Variants in OR6N2 observed in about 807,000 individuals in gnomAD.
OR6N2 encodes the protein olfactory receptor family 6 subfamily N member 2.
For synonymous variants in OR6N2, 160 were observed against 138.3 expected, an observed-to-expected ratio of 1.16 and a Z score of -1.10; for missense variants, 399 against 379.7, an observed-to-expected ratio of 1.05 and a Z score of -0.42.
In OR6N2 at chr1:158,774,657, T is replaced by A. The variant is rs1292207976; in HGVS notation, c.*2025A>T. 1 of 152,132 alleles carries A rather than the reference T, an allele frequency of 6.6e-6. No homozygotes were observed. The highest frequency in any genetic ancestry group is 1.5e-5 in the Non-Finnish European group (1 of 68,028). The allele number at this position is 152,132 out of a possible 1,614,324, so 9.4% of individuals were successfully genotyped here. A position where few individuals can be genotyped will look rare whatever the true frequency, so the allele number is the denominator to read the frequency against. On this transcript the variant is annotated 3_prime_UTR_variant, in exon 2 of 2. Transcript: ENST00000641131. ...TATGTTTACGCATAACCATATCATG[T>A]TAAAAATGAATATTATCTAGGGATA...
Position 158,776,137 on chromosome 1 carries a change from G to C in OR6N2, c.*545C>G, listed in dbSNP as rs1367395976. 1 of 152,244 alleles carries C rather than the reference G, an allele frequency of 6.6e-6. No homozygotes were observed. Among genetic ancestry groups the C allele is most frequent in the Admixed American group, 6.5e-5 (1 of 15,284 alleles). The allele number at this position is 152,244 out of a possible 1,614,324, so 9.4% of individuals were successfully genotyped here. A position where few individuals can be genotyped will look rare whatever the true frequency, so the allele number is the denominator to read the frequency against. On this transcript the variant is annotated 3_prime_UTR_variant, in exon 2 of 2. Coordinates refer to ENST00000641131, the MANE Select transcript of OR6N2 (RefSeq NM_001005278.2). ...GATAAGAAAATTGGGAGGTAATGAT[G>C]TCATGAGAGTTAGGGAGAGTTAAGG...
Position 158,777,241 on chromosome 1 carries a change from T to C in OR6N2, c.395A>G (p.Tyr132Cys). 1.2e-6 allele frequency: 2 copies of C among 1,613,772 alleles called. No individual in the cohort carries two copies. Among genetic ancestry groups the C allele is most frequent in the East Asian group, 2.2e-5 (1 of 44,824 alleles). ...RYLAICRPLH[Y>C]PIIMTTTLCA... ...GAGTGTGGTGGTCATAATTATAGGGTAGTGGAGGGGCCGACAAATGGCCAG... is the reference window on the plus strand; with the variant it reads ...GAGTGTGGTGGTCATAATTATAGGGCAGTGGAGGGGCCGACAAATGGCCAG... Residue 132 changes from tyrosine to cysteine, a missense_variant, in exon 2 of 2, where the codon TAC becomes TGC. Physicochemically the swap from Tyr to Cys is radical, Grantham distance 194. Coordinates refer to ENST00000641131, the MANE Select transcript of OR6N2 (RefSeq NM_001005278.2).
intron 1 of OR6N2, among the ~76,000 whole-genome samples, chr1:158,778,298 T>C (rs552533299): frequency 1.3e-5 from 2 of 152,214 alleles, no homozygotes; most frequent in African/African-American, 4.8e-5. Context: ...ACAGAACACT[T>C]CAGTGTGCCT....
chr1:158,780,014 T>TAC (rs1657709948), intron 1 of OR6N2, among the ~76,000 whole-genome samples: 1 of 151,964 alleles, frequency 6.6e-6, no homozygotes, highest in Non-Finnish European at 1.5e-5. Flanking sequence ...ATGTTTTATT[T>TAC]TAGCCTAAAT....
chr1:158,780,411 A>G (rs1225109683), intron 1 of OR6N2, among the ~76,000 whole-genome samples: 4 of 152,198 alleles, frequency 2.6e-5, no homozygotes, highest in Admixed American at 6.5e-5. Context: ...AATCTGTGTA[A>G]GGCCTTCTCT....
chr1:158,777,212 C>T lies in OR6N2; in HGVS notation c.424G>A (p.Ala142Thr). Reference sequence around the variant, plus strand: ...GTCCAACAAGCAGCAGCCATCTTGGCACAGAGTGTGGTGGTCATAATTATA... The same window carrying T: ...GTCCAACAAGCAGCAGCCATCTTGGTACAGAGTGTGGTGGTCATAATTATA... ...YPIIMTTTLCAKMAAACWTCG... is the reference protein window; with the variant it reads ...YPIIMTTTLCTKMAAACWTCG... The change falls in exon 2 of 2, where the codon GCC becomes ACC. Residue 142 changes from alanine (A) to threonine (T), a missense_variant. Coordinates refer to ENST00000641131, the MANE Select transcript of OR6N2 (RefSeq NM_001005278.2). 1 of 1,614,062 alleles carries T rather than the reference C, an allele frequency of 6.2e-7. No homozygotes were observed. The highest frequency in any genetic ancestry group is 1.7e-5 in the Admixed American group (1 of 60,012).
Position 158,776,727 on chromosome 1 carries a change from C to T in OR6N2, c.909G>A (p.Arg303=), listed in dbSNP as rs781238622. 6.2e-7 allele frequency: 1 copy of T among 1,612,928 alleles called. No individual in the cohort carries two copies. Among genetic ancestry groups the T allele is most frequent in the Non-Finnish European group, 8.5e-7 (1 of 1,179,404 alleles). ...CTTTATCTCCCTTCTGGAAGATGGT[C>T]CTCTTGATAGCTTTAATGATTTCCT... is the stretch of plus-strand genomic sequence containing the variant. ...RNKEIIKAIK[R]TIFQKGDKAS... The change falls in exon 2 of 2, where the codon AGG becomes AGA. Residue 303 remains arginine (R), a synonymous_variant. Coordinates refer to ENST00000641131, the MANE Select transcript of OR6N2 (RefSeq NM_001005278.2).
At position 158,776,539 on chromosome 1, in the gene OR6N2, T is replaced by G; in HGVS notation, c.*143A>C. On this transcript the variant is annotated 3_prime_UTR_variant, in exon 2 of 2. Coordinates refer to ENST00000641131, the MANE Select transcript of OR6N2 (RefSeq NM_001005278.2). ...CGAGTAAAAAATAGAAATAAAGATGTAGAAAATGAGAAAATCATAAAGAAA... is the reference window on the plus strand; with the variant it reads ...CGAGTAAAAAATAGAAATAAAGATGGAGAAAATGAGAAAATCATAAAGAAA... 3.9e-6 allele frequency: 2 copies of G among 513,352 alleles called. No homozygotes were observed. Among genetic ancestry groups the G allele is most frequent in the Middle Eastern group, 5.0e-4 (1 of 2,018 alleles). The allele number at this position is 513,352 out of a possible 1,614,324, so 31.8% of individuals were successfully genotyped here.
chr1:158,779,123 G>A (rs1657685645), intron 1 of OR6N2, among the ~76,000 whole-genome samples: 1 of 151,716 alleles, frequency 6.6e-6, no homozygotes, highest in African/African-American at 2.4e-5. Flanking sequence ...CAGGTGAAGA[G>A]TATATAGCTG....
At chr1:158,778,263 G>A (rs1657660598) in intron 1 of OR6N2, among the ~76,000 whole-genome samples, 2 of 152,186 alleles carry the variant, frequency 1.3e-5, no homozygotes. Flanking sequence ...TAGAGAAGCA[G>A]ACATCTCAAT....
At chr1:158,780,417 T>C (rs1657724467) in intron 1 of OR6N2, among the ~76,000 whole-genome samples, 1 of 152,190 alleles carries the variant, frequency 6.6e-6, no homozygotes, top group African/African-American at 2.4e-5. Context: ...TGTAAGGCCT[T>C]CTCTGGGATA....
rs1657613127 is a variant in OR6N2, at chr1:158,776,916, G to A, written c.720C>T (p.Thr240=). 1 of 1,614,038 alleles carries A rather than the reference G, an allele frequency of 6.2e-7. No homozygotes were observed. The highest frequency in any genetic ancestry group is 2.2e-5 in the East Asian group (1 of 44,880). Reference sequence around the variant, plus strand: ...GGACCACAGCAAGATGTGAGGCACAGGTAGAAAAGGCCTTCTTTCTTCCTG... The same window carrying A: ...GGACCACAGCAAGATGTGAGGCACAAGTAGAAAAGGCCTTCTTTCTTCCTG... ...TASGRKKAFS[T]CASHLAVVLI... The change falls in exon 2 of 2, where the codon ACC becomes ACT. Residue 240 remains threonine (T), a synonymous_variant. Transcript: ENST00000641131.
chr1:158,775,533 G>GT lies in OR6N2; in HGVS notation c.*1148dup, dbSNP rs1657570639. 1 of 152,140 alleles carries GT rather than the reference G, an allele frequency of 6.6e-6. No individual in the cohort carries two copies. The highest frequency in any genetic ancestry group is 1.5e-5 in the Non-Finnish European group (1 of 68,014). The allele number at this position is 152,140 out of a possible 1,614,324, so 9.4% of individuals were successfully genotyped here. ...TTAAGGGCAATTGAGAATTTCTCAT[G>GT]TTTTTATAAAATGGTATATACAATT... is the stretch of plus-strand genomic sequence containing the variant. On this transcript the variant is annotated 3_prime_UTR_variant, in exon 2 of 2. Transcript: ENST00000641131.
chr1:158,777,932 G>A (rs1180986868), intron 1 of OR6N2, among the ~76,000 whole-genome samples: 1 of 152,202 alleles, frequency 6.6e-6, no homozygotes, highest in Admixed American at 6.5e-5. Flanking sequence ...CTTGGGAATA[G>A]AGAGAAGGAA....
chr1:158,777,580 C>A lies in OR6N2; in HGVS notation c.56G>T (p.Ser19Ile). Residue 19 changes from serine (S) to isoleucine (I), a missense_variant, in exon 2 of 2, where the codon AGT (serine) becomes ATT (isoleucine). Coordinates refer to ENST00000641131, the MANE Select transcript of OR6N2 (RefSeq NM_001005278.2). ...LAEFVFLGFA[S>I]VGYVRGWLFV... ...AAGCCAGCCCCTGACATAGCCCACA[C>A]TGGCAAAGCCAAGGAACACAAATTC... is the stretch of plus-strand genomic sequence containing the variant. 1 of 1,614,042 alleles carries A rather than the reference C, an allele frequency of 6.2e-7. No individual in the cohort carries two copies. Among genetic ancestry groups the A allele is most frequent in the Non-Finnish European group, 8.5e-7 (1 of 1,180,004 alleles).
intron 1 of OR6N2, 61 bp from the exon 2 acceptor site, chr1:158,777,702 A>G (rs857835): frequency 0.14 from 136,977 of 992,394 alleles, 10,077 homozygotes; most frequent in South Asian, 0.22. Flanking sequence ...TCCATGCCAA[A>G]ACTTCATTTC....
intron 1 of OR6N2, 33 bp from the exon 2 acceptor site, chr1:158,777,674 AT>A (rs774762823): frequency 1.9e-5 from 26 of 1,358,326 alleles, no homozygotes; most frequent in African/African-American, 5.8e-5. Context: ...AAAACATTGG[AT>A]TGAGATGACT....
chr1:158,777,642 C>A lies in OR6N2; in HGVS notation c.-6-1G>T, dbSNP rs41264044. The A allele has an allele frequency of 5.3e-3, 8,443 of 1,581,004 alleles. 26 individuals are homozygous for A. Among genetic ancestry groups the A allele is most frequent in the Non-Finnish European group, 6.4e-3 (7,404 of 1,155,506 alleles). On this transcript the variant is annotated splice_acceptor_variant, in intron 1 of 1. Transcript: ENST00000641131. LOFTEE classifies it low-confidence loss of function (5UTR_SPLICE). The stretch of plus-strand genomic sequence containing the variant: ...AATGGTTGTATTGATCCATGGGAGG[C>A]TGAGGTAAAGAAGGAAAGAAGAAAA...
At position 158,777,318 on chromosome 1, in the gene OR6N2, G is replaced by A. The variant is rs1657627635; in HGVS notation, c.318C>T (p.Ser106=). 6.2e-7 allele frequency: 1 copy of A among 1,614,154 alleles called. No individual in the cohort carries two copies. The highest frequency in any genetic ancestry group is 8.5e-7 in the Non-Finnish European group (1 of 1,180,024). Residue 106 remains serine, a synonymous_variant, in exon 2 of 2, where the codon TCC becomes TCT. Transcript: ENST00000641131. ...GCLLQTYFFH[S]LGASECYLLT... ...GAAGGTAGCATTCAGACGCTCCCAA[G>A]GAGTGGAAGAAGTAGGTCTGAAGGA... is the stretch of plus-strand genomic sequence containing the variant.
Sources: gnomAD v4.1 joint callset for allele counts (sites outside exome capture counted in the v4.1 genomes callset) on GRCh38, gnomAD v4.1.1 for gene constraint, MANE v1.5 for transcripts, NCBI Gene and HGNC (gene_info 2026-07-23, HGNC 2026-07-21) for gene names.